The following VSNL1 variants were observed in gnomAD, a reference collection of about 807,000 sequenced individuals.
The protein encoded by VSNL1 is visinin-like protein 1.
A neutral mutation model predicts 20.4 loss-of-function variants in VSNL1; 6 were observed. The ratio of observed to expected loss-of-function variants is 0.29; its 90% CI spans 0.16 to 0.58. VSNL1 has a LOEUF of 0.58. VSNL1 is among the 20% of genes least tolerant of loss of function. The pLI, the probability that VSNL1 is intolerant of heterozygous loss-of-function variation, is 0.90. For synonymous variants in VSNL1, 93 were observed against 86.4 expected (o/e 1.08, Z -0.42); for missense variants, 100 against 234.5 (o/e 0.43, Z 3.75).
At chr2:17,555,960 T>A (rs964437895) in intron 1 of VSNL1, among the ~76,000 whole-genome samples, 4 of 152,196 alleles carry the variant, frequency 2.6e-5, no homozygotes, top group African/African-American at 9.6e-5. Flanking sequence ...GCTAATGGTC[T>A]AAAGCAGGAG....
chr2:17,575,534 T>A (rs115909165), intron 1 of VSNL1, among the ~76,000 whole-genome samples: 5,236 of 152,094 alleles, frequency 0.034, 96 homozygotes, highest in East Asian at 0.098. Context: ...TCTTTTTTTT[T>A]ATTTTTTTTA....
intron 2 of VSNL1, among the ~76,000 whole-genome samples, chr2:17,643,502 C>T (rs371489812): frequency 1.3e-5 from 2 of 152,076 alleles, no homozygotes; most frequent in East Asian, 3.9e-4. Context: ...CTCAAGGCCT[C>T]GAAACGATCT....
At position 17,649,334 on chromosome 2, in the gene VSNL1, CCGT is replaced by C; in HGVS notation, c.163-74_163-72del. On this transcript the variant is annotated intron_variant, in intron 2 of 3. Transcript: ENST00000295156. This position sits in a 1 kb window ranked among gnomAD's most constrained non-coding sequence, Gnocchi z 6.4. ...ACAACGCCCAGGAGCACCTGTGATG[CCGT>C]CATTAGGAACCTACCTCGTCGCCCC... 4 of 1,431,730 alleles carry C rather than the reference CCGT, an allele frequency of 2.8e-6. No homozygotes were observed. The highest frequency in any genetic ancestry group is 2.9e-6 in the Non-Finnish European group (3 of 1,019,530). The allele number at this position is 1,431,730 out of a possible 1,614,324, so 88.7% of individuals were successfully genotyped here.
chr2:17,572,330 T>A (rs140030111), intron 1 of VSNL1, among the ~76,000 whole-genome samples: 222 of 152,284 alleles, frequency 1.5e-3, no homozygotes, highest in African/African-American at 5.0e-3. Flanking sequence ...TATTTTACAT[T>A]TGTCTGGCGC....
Position 17,562,155 on chromosome 2 carries a change from T to A in VSNL1, c.-6+21237T>A, listed in dbSNP as rs1388361826. ...CAACAACTTTTTCAAGCTCCCAAGG[T>A]TAGTAGTTGATCGAAAGAACACATA... On this transcript the variant is annotated intron_variant, in intron 1 of 3. Transcript: ENST00000295156. 2.6e-5 allele frequency among the ~76,000 whole-genome samples: 4 copies of A among 152,314 alleles called. No homozygotes were observed. In the East Asian group the frequency reaches 7.7e-4, roughly 29 times the overall value.
chr2:17,652,276 G>A (rs997798805), intron 3 of VSNL1, among the ~76,000 whole-genome samples: 6 of 152,204 alleles, frequency 3.9e-5, no homozygotes, highest in African/African-American at 1.2e-4. Context: ...ATCAGTAAAG[G>A]AGATGGAGAA....
intron 2 of VSNL1, among the ~76,000 whole-genome samples, chr2:17,632,898 A>T (rs1324777632): frequency 1.3e-5 from 2 of 152,218 alleles, no homozygotes; most frequent in African/African-American, 4.8e-5. Flanking sequence ...TCATGCCTAT[A>T]ATTCTAGCCC....
At chr2:17,552,512 C>T (rs1432680386) in intron 1 of VSNL1, among the ~76,000 whole-genome samples, 1 of 151,824 alleles carries the variant, frequency 6.6e-6, no homozygotes, top group Non-Finnish European at 1.5e-5. Flanking sequence ...TATAATAAGC[C>T]CCCATGTACC....
chr2:17,594,789 G>T (rs940666599), intron 2 of VSNL1, among the ~76,000 whole-genome samples: 3 of 152,232 alleles, frequency 2.0e-5, no homozygotes, highest in African/African-American at 7.2e-5. Flanking sequence ...TTAAGGAGGA[G>T]CAGGATAATG....
intron 2 of VSNL1, among the ~76,000 whole-genome samples, chr2:17,596,376 TC>T (rs1664710416): frequency 6.6e-6 from 1 of 152,234 alleles, no homozygotes; most frequent in African/African-American, 2.4e-5. Flanking sequence ...TTTCCTATTT[TC>T]AACAATCATT....
intron 1 of VSNL1, among the ~76,000 whole-genome samples, chr2:17,587,182 T>C (rs1664495323): frequency 6.6e-6 from 1 of 152,102 alleles, no homozygotes; most frequent in Non-Finnish European, 1.5e-5. Context: ...TTTCAGCCAC[T>C]CAGTTTTTAT....
intron 2 of VSNL1, among the ~76,000 whole-genome samples, chr2:17,648,830 C>A (rs1277443742): frequency 6.6e-6 from 1 of 152,166 alleles, no homozygotes; most frequent in South Asian, 2.1e-4. Context: ...CAGTCATGTT[C>A]TATTTTTAAT....
chr2:17,547,579 G>A (rs566812782), intron 1 of VSNL1, among the ~76,000 whole-genome samples: 6 of 152,176 alleles, frequency 3.9e-5, no homozygotes, highest in Admixed American at 6.5e-5. Flanking sequence ...GCCTAATGGA[G>A]AAGACAGATA....
intron 2 of VSNL1, among the ~76,000 whole-genome samples, chr2:17,593,569 G>A (rs1416434980): frequency 3.9e-5 from 6 of 152,168 alleles, no homozygotes; most frequent in Admixed American, 3.9e-4. Flanking sequence ...ATGGCCATGT[G>A]GTTAGATATA....
intron 2 of VSNL1, among the ~76,000 whole-genome samples, chr2:17,604,665 A>G (rs1331458831): frequency 2.0e-5 from 3 of 152,234 alleles, no homozygotes; most frequent in Non-Finnish European, 4.4e-5. Flanking sequence ...GATCCCCAAT[A>G]TTGTAGGTGA....
chr2:17,639,907 G>A (rs1665845087), intron 2 of VSNL1, among the ~76,000 whole-genome samples: 1 of 152,082 alleles, frequency 6.6e-6, no homozygotes, highest in South Asian at 2.1e-4. Context: ...AATCCCAAAG[G>A]TCCCAGCCCA....
rs75721178 is a variant in VSNL1, at chr2:17,566,284, A to G, written c.-6+25366A>G. 4.0e-3 allele frequency among the ~76,000 whole-genome samples: 615 copies of G among 152,286 alleles called. 6 individuals carry two copies. Among genetic ancestry groups the G allele is most frequent in the African/African-American group, 0.014 (577 of 41,566 alleles). On this transcript the variant is annotated intron_variant, in intron 1 of 3. Transcript: ENST00000295156. ...TATAGTGAAATGGAATTGCCAGATC[A>G]TGCTCTATATGCATCTTCTGCTGTA... is the stretch of plus-strand genomic sequence containing the variant.
At chr2:17,639,004 T>C (rs1665822276) in intron 2 of VSNL1, among the ~76,000 whole-genome samples, 3 of 152,202 alleles carry the variant, frequency 2.0e-5, no homozygotes, top group African/African-American at 7.2e-5. Context: ...TTTGTGCCCA[T>C]GAGTTCTGAC....
chr2:17,632,131 C>T lies in VSNL1; in HGVS notation c.163-17279C>T, dbSNP rs375739407. ...CGAACTCCTCACCTTAACTGTTCCA[C>T]CCACAGGGATTACAGGCGTGAGCCA... On this transcript the variant is annotated intron_variant, in intron 2 of 3. Coordinates refer to ENST00000295156, the MANE Select transcript of VSNL1 (RefSeq NM_003385.5). Among the ~76,000 whole-genome samples, 8 of 152,092 alleles carry T rather than the reference C, an allele frequency of 5.3e-5. No individual in the cohort carries two copies. In the South Asian group the frequency reaches 1.7e-3, roughly 32 times the overall value.
Sources: gnomAD v4.1 joint callset for allele counts (sites outside exome capture counted in the v4.1 genomes callset) on GRCh38, gnomAD v4.1.1 for gene constraint, Gnocchi (gnomAD v3.1) non-coding constraint, MANE v1.5 for transcripts, NCBI Gene and HGNC (gene_info 2026-07-23, HGNC 2026-07-21) for gene names.